Variants in KCNQ5 observed in about 807,000 individuals in gnomAD.
KCNQ5 encodes potassium voltage-gated channel subfamily KQT member 5.
A neutral mutation model predicts 98.2 loss-of-function variants in KCNQ5; 30 were observed. That is an observed-to-expected ratio of 0.31 (90% CI 0.23 to 0.41). The LOEUF is 0.41. Among genes scored for constraint, KCNQ5 ranks in the 10% least tolerant of loss-of-function variants. KCNQ5 has a pLI of 1.00. For synonymous variants in KCNQ5, 458 were observed against 449.4 expected (o/e 1.02, Z -0.24); for missense variants, 835 against 1,182.5 (o/e 0.71, Z 4.31).
At chr6:73,126,321 A>G (rs1209124652) in intron 9 of KCNQ5, among the ~76,000 whole-genome samples, 1 of 152,200 alleles carries the variant, frequency 6.6e-6, no homozygotes, top group South Asian at 2.1e-4. Context: ...TGTAAATGAC[A>G]TGGAGGTGCT....
chr6:72,965,940 T>G (rs1767589341), intron 1 of KCNQ5, among the ~76,000 whole-genome samples: 1 of 152,174 alleles, frequency 6.6e-6, no homozygotes, highest in Non-Finnish European at 1.5e-5. Context: ...GATCAACCTC[T>G]TGGTTTTACA....
chr6:73,080,079 T>C (rs1426316314), intron 5 of KCNQ5, among the ~76,000 whole-genome samples: 2 of 152,200 alleles, frequency 1.3e-5, no homozygotes, highest in Non-Finnish European at 2.9e-5. Flanking sequence ...CAAAAAAGAA[T>C]TGCTGTATTG....
At chr6:73,025,690 AT>A (rs1014957132) in intron 2 of KCNQ5, among the ~76,000 whole-genome samples, 3 of 151,128 alleles carry the variant, frequency 2.0e-5, no homozygotes, top group African/African-American at 7.3e-5. Flanking sequence ...ATTTAAATGT[AT>A]TTTGGAAAGT....
chr6:72,687,829 T>C (rs1053419054), intron 1 of KCNQ5, among the ~76,000 whole-genome samples: 1 of 149,400 alleles, frequency 6.7e-6, no homozygotes, highest in Non-Finnish European at 1.5e-5. Flanking sequence ...GTCTTTTTAT[T>C]GATCCCTTTT....
At chr6:73,164,718 G>A (rs1777729350) in intron 10 of KCNQ5, among the ~76,000 whole-genome samples, 1 of 151,878 alleles carries the variant, frequency 6.6e-6, no homozygotes, top group Non-Finnish European at 1.5e-5. Flanking sequence ...AAAATTAAAG[G>A]ACTCTATATT....
intron 1 of KCNQ5, among the ~76,000 whole-genome samples, chr6:72,674,077 A>G (rs1342100280): frequency 6.6e-6 from 1 of 152,192 alleles, no homozygotes; most frequent in East Asian, 1.9e-4. Context: ...CTACATTTCT[A>G]GCCTTAAAGA....
chr6:72,984,489 G>A (rs1167452141), intron 1 of KCNQ5, among the ~76,000 whole-genome samples: 1 of 152,232 alleles, frequency 6.6e-6, no homozygotes, highest in Non-Finnish European at 1.5e-5. Flanking sequence ...CAGTGAGCAA[G>A]GCTCCATAGG....
At chr6:72,812,239 G>C (rs1269670114) in intron 1 of KCNQ5, among the ~76,000 whole-genome samples, 1 of 151,978 alleles carries the variant, frequency 6.6e-6, no homozygotes, top group Non-Finnish European at 1.5e-5. Context: ...TAGTCCTGCC[G>C]ACCTCCTGTC....
chr6:72,966,422 G>T (rs182227189), intron 1 of KCNQ5, among the ~76,000 whole-genome samples: 3 of 149,778 alleles, frequency 2.0e-5, no homozygotes, highest in Admixed American at 2.0e-4. Flanking sequence ...AAAAAAAATA[G>T]TTGGGCATGG....
At chr6:72,827,143 G>GA (rs752111105) in intron 1 of KCNQ5, among the ~76,000 whole-genome samples, 33 of 152,152 alleles carry the variant, frequency 2.2e-4, no homozygotes, top group Non-Finnish European at 4.4e-5. Flanking sequence ...CACCTCAGTT[G>GA]ATGCTGTATC....
At chr6:73,179,094 G>C (rs922945132) in intron 11 of KCNQ5, among the ~76,000 whole-genome samples, 7 of 152,150 alleles carry the variant, frequency 4.6e-5, no homozygotes, top group African/African-American at 1.7e-4. Flanking sequence ...TATTTCTCAT[G>C]GAGAGTCAGA....
intron 1 of KCNQ5, among the ~76,000 whole-genome samples, chr6:72,632,101 T>C (rs969598977): frequency 7.2e-5 from 11 of 151,812 alleles, no homozygotes; most frequent in African/African-American, 2.7e-4. Context: ...TCCTTTACTT[T>C]GCCTGTTAGA....
chr6:72,764,683 G>A (rs1314834736), intron 1 of KCNQ5, among the ~76,000 whole-genome samples: 2 of 151,818 alleles, frequency 1.3e-5, no homozygotes, highest in Admixed American at 6.6e-5. Flanking sequence ...TCATCCTTTT[G>A]TGCTATCAAA....
chr6:72,997,057 G>A (rs911279858), intron 1 of KCNQ5, among the ~76,000 whole-genome samples: 2 of 152,156 alleles, frequency 1.3e-5, no homozygotes, highest in African/African-American at 4.8e-5. Flanking sequence ...AATTTCCAAC[G>A]GTAGAGCTGT....
intron 7 of KCNQ5, among the ~76,000 whole-genome samples, chr6:73,113,688 A>C (rs1775355286): frequency 6.6e-6 from 1 of 152,238 alleles, no homozygotes. Flanking sequence ...TTGAAAATAA[A>C]TTGTTATTTC....
At chr6:73,086,385 A>C in intron 5 of KCNQ5, among the ~76,000 whole-genome samples, 1 of 152,106 alleles carries the variant, frequency 6.6e-6, no homozygotes, top group Non-Finnish European at 1.5e-5. Context: ...GTCCTTTCAC[A>C]CTGCCTGGGC....
At chr6:73,187,547 C>A (rs1765422493) in intron 11 of KCNQ5, among the ~76,000 whole-genome samples, 1 of 152,094 alleles carries the variant, frequency 6.6e-6, no homozygotes, top group African/African-American at 2.4e-5. Context: ...AAAGGCAATA[C>A]CACCTGAAGA....
intron 3 of KCNQ5, among the ~76,000 whole-genome samples, chr6:73,065,923 G>A (rs1220682379): frequency 6.6e-6 from 1 of 152,192 alleles, no homozygotes; most frequent in Non-Finnish European, 1.5e-5. Flanking sequence ...AAGGTGGGTG[G>A]ATCACTTGAG....
At chr6:73,137,456 T>G (rs1369995476) in intron 10 of KCNQ5, among the ~76,000 whole-genome samples, 1 of 152,206 alleles carries the variant, frequency 6.6e-6, no homozygotes, top group East Asian at 1.9e-4. Context: ...TATTTTTAAC[T>G]GATAAATTCT....
Sources: allele counts gnomAD v4.1 joint callset (sites outside exome capture counted in the v4.1 genomes callset), GRCh38; gene constraint gnomAD v4.1.1; transcripts MANE v1.5; gene names NCBI Gene and HGNC (gene_info 2026-07-23, HGNC 2026-07-21).